FAM168A: variants seen among roughly 807,000 people sequenced by gnomAD.
The protein encoded by FAM168A is protein FAM168A.
A neutral mutation model predicts 28.5 loss-of-function variants in FAM168A; 3 were observed. The ratio of observed to expected loss-of-function variants is 0.11; its 90% CI spans 0.05 to 0.27. FAM168A has a LOEUF of 0.27. Among genes scored for constraint, FAM168A ranks in the 10% least tolerant of loss-of-function variants. FAM168A has a pLI of 1.00. For missense variants in FAM168A, 222 were observed against 311.5 expected, an observed-to-expected ratio of 0.71 and a Z score of 2.16; for synonymous variants, 122 against 124.2, an observed-to-expected ratio of 0.98 and a Z score of 0.12.
At chr11:73,452,042 T>C (rs936542650) in intron 2 of FAM168A, 25 of 152,396 alleles carry the variant, frequency 1.6e-4, no homozygotes, top group African/African-American at 6.0e-4. Flanking sequence ...CTGCCACCAC[T>C]GCCACCACCT....
In FAM168A at chr11:73,402,073, G is replaced by A. The variant is rs1394792253; in HGVS notation, c.*4690C>T. 1 of 152,262 alleles carries A rather than the reference G, an allele frequency of 6.6e-6. No individual in the cohort carries two copies. The highest frequency in any genetic ancestry group is 2.4e-5 in the African/African-American group (1 of 41,464). 9.4% of individuals were successfully genotyped at this position (152,262 alleles called of 1,614,324 possible). ...GGCGTGTTTCTTCAGCTCTGCGGGT[G>A]GGTCCCAACTGGCCCACTCTACTAC... On this transcript the variant is annotated 3_prime_UTR_variant, in exon 8 of 8. Transcript: ENST00000356467.
chr11:73,416,998 C>A (rs1343356206), intron 4 of FAM168A, among the ~76,000 whole-genome samples: 1 of 152,018 alleles, frequency 6.6e-6, no homozygotes, highest in African/African-American at 2.4e-5. Context: ...ACTGTGATAG[C>A]CTGTCTGGGA....
intron 1 of FAM168A, among the ~76,000 whole-genome samples, chr11:73,507,999 G>A (rs1318670040): frequency 6.6e-6 from 1 of 152,152 alleles, no homozygotes; most frequent in Non-Finnish European, 1.5e-5. Context: ...ACACTATTCA[G>A]TTCAAATCAT....
chr11:73,532,358 A>G (rs1305935790), intron 1 of FAM168A, among the ~76,000 whole-genome samples: 1 of 152,110 alleles, frequency 6.6e-6, no homozygotes, highest in Admixed American at 6.5e-5. Context: ...AATGTATATA[A>G]AATTGCTCTA....
intron 3 of FAM168A, among the ~76,000 whole-genome samples, chr11:73,428,996 CTT>C (rs1051702894): frequency 2.4e-4 from 37 of 152,184 alleles, no homozygotes; most frequent in African/African-American, 6.5e-4. Flanking sequence ...TAAAATAGCT[CTT>C]GTTTGTCCAA....
At chr11:73,552,522 C>A (rs1196873634) in intron 1 of FAM168A, among the ~76,000 whole-genome samples, 2 of 152,174 alleles carry the variant, frequency 1.3e-5, no homozygotes, top group Non-Finnish European at 2.9e-5. Context: ...GTGGTGGTTG[C>A]TACTATTACA....
chr11:73,582,375 T>C (rs1310003521), intron 1 of FAM168A, among the ~76,000 whole-genome samples: 2 of 151,654 alleles, frequency 1.3e-5, no homozygotes, highest in Admixed American at 6.6e-5. Flanking sequence ...CAAAAAAAAT[T>C]AGCCAGGCGT....
intron 1 of FAM168A, among the ~76,000 whole-genome samples, chr11:73,493,265 A>G (rs549782693): frequency 8.5e-5 from 13 of 152,336 alleles, no homozygotes; most frequent in African/African-American, 2.2e-4. Flanking sequence ...CAAATAATAA[A>G]AGAAAGGCAA....
chr11:73,595,045 C>T (rs993705654), intron 1 of FAM168A, among the ~76,000 whole-genome samples: 4 of 152,084 alleles, frequency 2.6e-5, no homozygotes, highest in African/African-American at 4.8e-5. Context: ...CAGGTAACCA[C>T]GGCTGTGGAA....
chr11:73,444,094 T>C (rs1454351736), intron 2 of FAM168A, among the ~76,000 whole-genome samples: 2 of 152,184 alleles, frequency 1.3e-5, no homozygotes, highest in Non-Finnish European at 2.9e-5. Context: ...CTGTACCATT[T>C]ACCAGACATA....
intron 1 of FAM168A, among the ~76,000 whole-genome samples, chr11:73,560,895 G>C (rs187446913): frequency 1.3e-5 from 2 of 151,316 alleles, no homozygotes; most frequent in South Asian, 2.1e-4. Flanking sequence ...AAAATGTCTC[G>C]ACTAAAAATA....
At chr11:73,478,353 A>C (rs1177697511) in intron 1 of FAM168A, among the ~76,000 whole-genome samples, 4 of 152,244 alleles carry the variant, frequency 2.6e-5, no homozygotes, top group African/African-American at 9.6e-5. Flanking sequence ...TAAGTGGAAG[A>C]AGCCAGGGCA....
At chr11:73,436,613 G>T (rs978772137) in intron 2 of FAM168A, among the ~76,000 whole-genome samples, 9 of 152,186 alleles carry the variant, frequency 5.9e-5, no homozygotes, top group African/African-American at 2.2e-4. Context: ...TGGCCACTGT[G>T]CTAGGCACTT....
At chr11:73,491,658 C>T (rs942556850) in intron 1 of FAM168A, among the ~76,000 whole-genome samples, 5 of 152,146 alleles carry the variant, frequency 3.3e-5, no homozygotes, top group African/African-American at 9.7e-5. Flanking sequence ...TGTATAAAAA[C>T]GATAATCTCT....
At chr11:73,431,171 G>A (rs1490446798) in intron 2 of FAM168A, among the ~76,000 whole-genome samples, 2 of 152,124 alleles carry the variant, frequency 1.3e-5, no homozygotes, top group South Asian at 2.1e-4. Context: ...GTGAAACCCC[G>A]TCTCTACTAA....
At chr11:73,582,783 T>C (rs1590750102) in intron 1 of FAM168A, among the ~76,000 whole-genome samples, 1 of 152,202 alleles carries the variant, frequency 6.6e-6, no homozygotes, top group East Asian at 1.9e-4. Flanking sequence ...GGTCCCGTCT[T>C]CTCCATTTAC....
rs1866404443 is a variant in FAM168A, at chr11:73,401,295, T to TAA, written c.*5466_*5467dup. On this transcript the variant is annotated 3_prime_UTR_variant, in exon 8 of 8. Transcript: ENST00000356467. ...TATGAAACAGGGAAGCAGATGCCTT[T>TAA]AAGTCAGGATGGGGACAGGCCCTTG... The TAA allele has an allele frequency of 6.6e-6, 1 of 152,198 alleles. No homozygotes were observed. The highest frequency in any genetic ancestry group is 6.5e-5 in the Admixed American group (1 of 15,276). The allele number at this position is 152,198 out of a possible 1,614,324, so 9.4% of individuals were successfully genotyped here.
chr11:73,530,564 T>C (rs549004542), intron 1 of FAM168A, among the ~76,000 whole-genome samples: 3 of 152,338 alleles, frequency 2.0e-5, no homozygotes, highest in East Asian at 3.9e-4. Context: ...CTCTGAGGTC[T>C]GAATCTCAGC....
At chr11:73,437,400 C>CTT (rs747204512) in intron 2 of FAM168A, among the ~76,000 whole-genome samples, 4,993 of 103,450 alleles carry the variant, frequency 0.048, 221 homozygotes, top group African/African-American at 0.057. Context: ...CCCGGCCACT[C>CTT]TTTTTTTTTT....
Sources: allele counts gnomAD v4.1 joint callset (sites outside exome capture counted in the v4.1 genomes callset), GRCh38; gene constraint gnomAD v4.1.1; transcripts MANE v1.5; gene names NCBI Gene and HGNC (gene_info 2026-07-23, HGNC 2026-07-21).